The following ATRNL1 variants were observed in gnomAD, a reference collection of about 807,000 sequenced individuals.
ATRNL1 encodes the protein attractin-like protein 1.
In ATRNL1, 95 loss-of-function variants were observed where a neutral mutation model predicts 182.7. The ratio of observed to expected loss-of-function variants is 0.52; its 90% confidence interval spans 0.44 to 0.62. The LOEUF is 0.62. ATRNL1 is among the 20% of genes least tolerant of loss of function. The probability of loss-of-function intolerance (pLI) is 0.00; values close to 1 mark genes in which losing one functional copy is unlikely to be tolerated. For synonymous variants in ATRNL1, 576 were observed against 568.3 expected (o/e 1.01, Z -0.19); for missense variants, 1,471 against 1,679.5 (o/e 0.88, Z 2.17).
chr10:115,768,408 T>C (rs1948910305), intron 27 of ATRNL1, among the ~76,000 whole-genome samples: 1 of 152,162 alleles, frequency 6.6e-6, no homozygotes, highest in Non-Finnish European at 1.5e-5. Context: ...TACATTACTA[T>C]TGGAATTAAG....
chr10:115,484,941 A>T (rs1266490062), intron 24 of ATRNL1, among the ~76,000 whole-genome samples: 1 of 151,878 alleles, frequency 6.6e-6, no homozygotes, highest in African/African-American at 2.4e-5. Context: ...AAGATTAATT[A>T]TGAAATTGAG....
intron 25 of ATRNL1, among the ~76,000 whole-genome samples, chr10:115,541,096 C>A (rs1175233785): frequency 1.3e-5 from 2 of 152,062 alleles, no homozygotes; most frequent in Non-Finnish European, 2.9e-5. Context: ...TTTTTCTTAT[C>A]GAAAGACACC....
chr10:115,736,259 C>A (rs1389994575), intron 27 of ATRNL1, among the ~76,000 whole-genome samples: 1 of 152,070 alleles, frequency 6.6e-6, no homozygotes, highest in Non-Finnish European at 1.5e-5. Flanking sequence ...AACATTGTTC[C>A]AATTCACTAA....
intron 8 of ATRNL1, among the ~76,000 whole-genome samples, chr10:115,207,705 T>C (rs1554894086): frequency 2.0e-5 from 3 of 152,062 alleles, no homozygotes. Flanking sequence ...CTTAAAAATG[T>C]GACTCCACTG....
chr10:115,386,033 T>TC (rs1564985171), intron 19 of ATRNL1, among the ~76,000 whole-genome samples: 1 of 152,188 alleles, frequency 6.6e-6, no homozygotes, highest in Non-Finnish European at 1.5e-5. Context: ...GCTTTTTTTT[T>TC]CTTCATGTTT....
At chr10:115,828,167 A>G (rs1213472133) in intron 27 of ATRNL1, among the ~76,000 whole-genome samples, 1 of 152,084 alleles carries the variant, frequency 6.6e-6, no homozygotes, top group Non-Finnish European at 1.5e-5. Context: ...AAAATACAAA[A>G]TTAGCCAGGC....
chr10:115,926,418 A>G (rs1174487566), intron 28 of ATRNL1, among the ~76,000 whole-genome samples: 1 of 152,182 alleles, frequency 6.6e-6, no homozygotes, highest in African/African-American at 2.4e-5. Flanking sequence ...TCAGAGCAGA[A>G]TTGAAGGAGA....
chr10:115,939,753 C>T (rs1555123735), intron 28 of ATRNL1, among the ~76,000 whole-genome samples: 1 of 152,118 alleles, frequency 6.6e-6, no homozygotes. Context: ...TAATGGAACT[C>T]TAGCGGCGTG....
intron 5 of ATRNL1, among the ~76,000 whole-genome samples, chr10:115,147,648 T>C (rs1020293450): frequency 6.6e-5 from 10 of 152,262 alleles, no homozygotes; most frequent in Non-Finnish European, 1.2e-4. Flanking sequence ...TTTTTGTATA[T>C]GGTGAGAGAT....
chr10:115,453,017 C>A (rs1012557945), intron 21 of ATRNL1, among the ~76,000 whole-genome samples: 1 of 152,102 alleles, frequency 6.6e-6, no homozygotes, highest in Non-Finnish European at 1.5e-5. Flanking sequence ...TTGCAAATGG[C>A]AGAATTTCCA....
At chr10:115,672,081 A>C (rs959282285) in intron 26 of ATRNL1, among the ~76,000 whole-genome samples, 1 of 152,132 alleles carries the variant, frequency 6.6e-6, no homozygotes, top group Non-Finnish European at 1.5e-5. Context: ...TGAAAGAAAA[A>C]CAAATAACAT....
intron 27 of ATRNL1, among the ~76,000 whole-genome samples, chr10:115,816,896 G>A (rs1950178434): frequency 6.6e-6 from 1 of 152,078 alleles, no homozygotes; most frequent in African/African-American, 2.4e-5. Flanking sequence ...AGCTATGTGT[G>A]CGTTAGAATA....
chr10:115,680,056 G>T (rs1945997923), intron 26 of ATRNL1, among the ~76,000 whole-genome samples: 1 of 152,018 alleles, frequency 6.6e-6, no homozygotes. Flanking sequence ...TAGCTCTTCA[G>T]CTTCCAGTAT....
intron 19 of ATRNL1, among the ~76,000 whole-genome samples, chr10:115,366,878 C>CGA (rs1403623074): frequency 7.0e-6 from 1 of 142,442 alleles, no homozygotes; most frequent in East Asian, 2.0e-4. Context: ...GGGTTTCTGC[C>CGA]GAGAGATCCA....
intron 19 of ATRNL1, among the ~76,000 whole-genome samples, chr10:115,370,125 CT>C (rs1441556001): frequency 6.6e-6 from 1 of 152,206 alleles, no homozygotes; most frequent in Non-Finnish European, 1.5e-5. Flanking sequence ...TGAGATGTGC[CT>C]TTCACATTCT....
intron 15 of ATRNL1, among the ~76,000 whole-genome samples, chr10:115,295,814 G>A (rs1359975220): frequency 6.6e-6 from 1 of 152,082 alleles, no homozygotes; most frequent in Non-Finnish European, 1.5e-5. Flanking sequence ...CTGGACCTAG[G>A]CTCCATTCAG....
intron 10 of ATRNL1, among the ~76,000 whole-genome samples, chr10:115,256,593 G>A (rs1182561506): frequency 6.6e-6 from 1 of 151,912 alleles, no homozygotes; most frequent in African/African-American, 2.4e-5. Context: ...ACCAGCTCTG[G>A]GATTCATTGA....
At chr10:115,267,728 A>G (rs1342419720) in intron 12 of ATRNL1, among the ~76,000 whole-genome samples, 4 of 152,052 alleles carry the variant, frequency 2.6e-5, no homozygotes, top group Non-Finnish European at 4.4e-5. Flanking sequence ...TGTTCAGTAA[A>G]ATATATGTAA....
At chr10:115,413,363 C>T (rs565507961) in intron 20 of ATRNL1, among the ~76,000 whole-genome samples, 3 of 152,012 alleles carry the variant, frequency 2.0e-5, no homozygotes, top group South Asian at 2.1e-4. Context: ...TCTGATAGGA[C>T]GTGACATTAA....
Sources: allele counts gnomAD v4.1 joint callset (sites outside exome capture counted in the v4.1 genomes callset), GRCh38; gene constraint gnomAD v4.1.1; transcripts MANE v1.5; gene names NCBI Gene and HGNC (gene_info 2026-07-23, HGNC 2026-07-21).